Variants in KIAA1217 observed in about 807,000 individuals in gnomAD.
KIAA1217 encodes KIAA1217.
A neutral mutation model predicts 163.9 loss-of-function variants in KIAA1217; 88 were observed. The observed-to-expected ratio is 0.54, with a 90% CI of 0.45 to 0.64. The LOEUF (loss-of-function observed/expected upper bound fraction) is 0.64, where lower values mean the gene tolerates loss of function less well. KIAA1217 is among the 30% of genes least tolerant of loss of function. KIAA1217 has a pLI of 0.00. For missense variants in KIAA1217, 2,372 were observed against 2,475.0 expected, an observed-to-expected ratio of 0.96 and a Z score of 0.88; for synonymous variants, 903 against 923.1, an observed-to-expected ratio of 0.98 and a Z score of 0.39.
chr10:24,360,649 T>C (rs2049849205), intron 2 of KIAA1217, among the ~76,000 whole-genome samples: 1 of 152,182 alleles, frequency 6.6e-6, no homozygotes. Context: ...GAATTTGGGA[T>C]TTCAGCTGCC....
At chr10:24,420,015 G>A (rs775045734) in intron 3 of KIAA1217, among the ~76,000 whole-genome samples, 7 of 151,840 alleles carry the variant, frequency 4.6e-5, no homozygotes, top group African/African-American at 7.3e-5. Flanking sequence ...GATGACAAAC[G>A]GTGCTACAAT....
Position 24,525,434 on chromosome 10 carries a change from A to G in KIAA1217, c.2898+670A>G, listed in dbSNP as rs142761217. Among the ~76,000 whole-genome samples the G allele has an allele frequency of 4.6e-3, 707 of 152,332 alleles. 2 individuals are homozygous for G. The highest frequency in any genetic ancestry group is 8.0e-3 in the Non-Finnish European group (544 of 68,040). On this transcript the variant is annotated intron_variant, in intron 13 of 20. Coordinates refer to ENST00000376454, the MANE Select transcript of KIAA1217 (RefSeq NM_019590.5). ...AGAACGAGGACCTAAGACTGGGGAA[A>G]TGGGCTGGAAACTGACTTGAGTGCT...
chr10:23,969,973 C>T (rs1046283875), intron 1 of KIAA1217, among the ~76,000 whole-genome samples: 6 of 151,972 alleles, frequency 3.9e-5, no homozygotes, highest in Non-Finnish European at 7.4e-5. Context: ...GGGTTTTTGC[C>T]CTTATAAAAC....
intron 1 of KIAA1217, among the ~76,000 whole-genome samples, chr10:23,753,461 C>T (rs1833760294): frequency 6.6e-6 from 1 of 152,164 alleles, no homozygotes; most frequent in Admixed American, 6.5e-5. Flanking sequence ...AGCTACCTAC[C>T]TGTTTCTTAG....
chr10:23,987,423 A>T (rs959475367), intron 1 of KIAA1217, among the ~76,000 whole-genome samples: 1 of 149,406 alleles, frequency 6.7e-6, no homozygotes, highest in Non-Finnish European at 1.5e-5. Context: ...TTTTTTAAAA[A>T]AAAACCCATC....
chr10:24,271,743 A>G (rs2076788618), intron 2 of KIAA1217, among the ~76,000 whole-genome samples: 1 of 151,154 alleles, frequency 6.6e-6, no homozygotes, highest in African/African-American at 2.4e-5. Flanking sequence ...ACAGAGTGAG[A>G]CCCTGTCTTA....
chr10:23,971,344 C>G (rs770482642), intron 1 of KIAA1217, among the ~76,000 whole-genome samples: 3 of 152,230 alleles, frequency 2.0e-5, no homozygotes, highest in Non-Finnish European at 4.4e-5. Context: ...AGCTGCTGAT[C>G]ACCAGCTTCA....
At chr10:24,485,044 G>C (rs966064961) in intron 6 of KIAA1217, among the ~76,000 whole-genome samples, 1 of 151,690 alleles carries the variant, frequency 6.6e-6, no homozygotes, top group African/African-American at 2.4e-5. Flanking sequence ...GGGAACACCA[G>C]GCCTGGGTGG....
chr10:24,230,490 A>G (rs2071223318), intron 2 of KIAA1217, among the ~76,000 whole-genome samples: 1 of 134,462 alleles, frequency 7.4e-6, no homozygotes, highest in Non-Finnish European at 1.5e-5. Context: ...GGTAGGCACT[A>G]CTATTTGTTT....
At chr10:23,699,482 G>A (rs1250134425) in intron 1 of KIAA1217, among the ~76,000 whole-genome samples, 1 of 152,172 alleles carries the variant, frequency 6.6e-6, no homozygotes, top group African/African-American at 2.4e-5. Context: ...CTTCTCCATT[G>A]GATGGTGCTT....
chr10:24,370,933 A>C (rs893257627), intron 2 of KIAA1217, among the ~76,000 whole-genome samples: 3 of 152,232 alleles, frequency 2.0e-5, no homozygotes, highest in Non-Finnish European at 4.4e-5. Context: ...TCACTGAATA[A>C]AAATTGCATG....
intron 1 of KIAA1217, among the ~76,000 whole-genome samples, chr10:23,900,231 C>T (rs1589040955): frequency 2.0e-5 from 3 of 152,028 alleles, no homozygotes; most frequent in Admixed American, 6.6e-5. Flanking sequence ...GTCTTGACCT[C>T]CTGACCTAAG....
intron 2 of KIAA1217, among the ~76,000 whole-genome samples, chr10:24,366,662 G>C (rs143074254): frequency 1.3e-5 from 2 of 152,304 alleles, no homozygotes; most frequent in East Asian, 3.9e-4. Flanking sequence ...TGGGCAGAGA[G>C]CACTGCACTC....
At position 24,531,770 on chromosome 10, in the gene KIAA1217, A is replaced by C. The variant is rs922565360; in HGVS notation, c.3083-60A>C. The stretch of plus-strand genomic sequence containing the variant: ...TGCATTGGGTTTGTAGCAATATACC[A>C]GACTTTCTGGATGTTTTCTTGAAAA... On this transcript the variant is annotated intron_variant, in intron 14 of 20. Coordinates refer to ENST00000376454, the MANE Select transcript of KIAA1217 (RefSeq NM_019590.5). 5.4e-6 allele frequency: 8 copies of C among 1,472,386 alleles called. No individual in the cohort carries two copies. The African/African-American group carries it at 1.1e-4, about 21-fold the overall frequency. 91.2% of individuals were successfully genotyped at this position (1,472,386 alleles called of 1,614,324 possible).
intron 1 of KIAA1217, among the ~76,000 whole-genome samples, chr10:23,917,464 T>C (rs1287026973): frequency 6.6e-6 from 1 of 152,076 alleles, no homozygotes; most frequent in Non-Finnish European, 1.5e-5. Flanking sequence ...AAGAGGGCAG[T>C]GGAAGAAGGA....
chr10:23,924,862 G>A (rs1842963721), intron 1 of KIAA1217, among the ~76,000 whole-genome samples: 2 of 148,862 alleles, frequency 1.3e-5, no homozygotes, highest in Admixed American at 1.3e-4. Context: ...AAACTAGGAT[G>A]TGGCGTTAGC....
chr10:24,433,155 T>C lies in KIAA1217; in HGVS notation c.714T>C (p.Asp238=). 6.2e-7 allele frequency: 1 copy of C among 1,614,078 alleles called. No homozygotes were observed. Among genetic ancestry groups the C allele is most frequent in the South Asian group, 1.1e-5 (1 of 91,084 alleles). The stretch of plus-strand genomic sequence containing the variant: ...CCAGTGTCGCCATTTACATCAAAGA[T>C]GAAAGCAGAAATGTCTATTATGAAT... The part of the protein sequence containing the change: ...ESPSVAIYIK[D]ESRNVYYELN... Residue 238 remains aspartate, a synonymous_variant, in exon 4 of 21, where the codon GAT becomes GAC. Coordinates refer to ENST00000376454, the MANE Select transcript of KIAA1217 (RefSeq NM_019590.5).
intron 6 of KIAA1217, among the ~76,000 whole-genome samples, chr10:24,484,608 G>A (rs1170765745): frequency 6.6e-6 from 1 of 151,904 alleles, no homozygotes; most frequent in Non-Finnish European, 1.5e-5. Flanking sequence ...CACCCAGGCT[G>A]GAACGCAGTG....
At chr10:24,414,714 G>A (rs902946936) in intron 3 of KIAA1217, among the ~76,000 whole-genome samples, 1 of 152,160 alleles carries the variant, frequency 6.6e-6, no homozygotes, top group African/African-American at 2.4e-5. Flanking sequence ...TTGCGGACTC[G>A]CCCCACCCAC....
Sources: allele counts gnomAD v4.1 joint callset (sites outside exome capture counted in the v4.1 genomes callset), GRCh38; gene constraint gnomAD v4.1.1; transcripts MANE v1.5; gene names NCBI Gene and HGNC (gene_info 2026-07-23, HGNC 2026-07-21).